Variants in CDKL5 observed in about 807,000 individuals in gnomAD.
The protein encoded by CDKL5 is cyclin-dependent kinase-like 5.
In CDKL5, 8 loss-of-function variants were observed where a neutral mutation model predicts 61.7. The ratio of observed to expected loss-of-function variants is 0.13; its 90% CI spans 0.08 to 0.23. The LOEUF (loss-of-function observed/expected upper bound fraction) is 0.23. Among genes scored for constraint, CDKL5 ranks in the 10% least tolerant of loss-of-function variants. The probability of loss-of-function intolerance (pLI) is 1.00; values close to 1 mark genes in which losing one functional copy is unlikely to be tolerated. For synonymous variants in CDKL5, 275 were observed against 272.3 expected, an observed-to-expected ratio of 1.01 and a Z score of -0.10; for missense variants, 440 against 734.5, an observed-to-expected ratio of 0.60 and a Z score of 4.63.
chrX:18,466,705 G>A (rs754508109), intron 1 of CDKL5, among the ~76,000 whole-genome samples: 34 of 111,227 alleles, frequency 3.1e-4, no homozygotes, highest in African/African-American at 1.1e-3. Context: ...TAGAGACAGG[G>A]TTTCGCCATG....
chrX:18,445,898 T>A (rs1472877113), intron 1 of CDKL5, among the ~76,000 whole-genome samples: 2 of 111,258 alleles, frequency 1.8e-5, no homozygotes, highest in African/African-American at 6.5e-5. Flanking sequence ...TTCTCCAGTT[T>A]CCTGGTCCTG....
chrX:18,619,877 G>A lies in CDKL5; in HGVS notation c.2287G>A (p.Glu763Lys). Reference protein sequence around the residue: ...QPAFDPWKSPENISHSEQLKE... With the variant: ...QPAFDPWKSPKNISHSEQLKE... The stretch of plus-strand genomic sequence containing the variant: ...TGTCTTCTCATTTAGGAAAAGTCCT[G>A]AAAATATTAGTCATTCAGAGCAACT... Residue 763 changes from glutamate to lysine, a missense_variant, in exon 16 of 18, where the codon GAA becomes AAA. Transcript: ENST00000623535. 8.5e-7 allele frequency: 1 copy of A among 1,176,661 alleles called. No individual in the cohort carries two copies. The highest frequency in any genetic ancestry group is 1.2e-6 in the Non-Finnish European group (1 of 865,360).
At chrX:18,534,964 T>G (rs765972521) in intron 3 of CDKL5, 1 of 112,398 alleles carries the variant, frequency 8.9e-6, no homozygotes, top group East Asian at 2.8e-4. Context: ...CAGTTTTGGC[T>G]GCTTGAACTT....
Position 18,556,703 on chromosome X carries a change from C to T in CDKL5, c.100-7774C>T, listed in dbSNP as rs6633104. 6.3e-4 allele frequency among the ~76,000 whole-genome samples: 69 copies of T among 110,068 alleles called. 1 individual carries two copies. The highest frequency in any genetic ancestry group is 2.1e-3 in the African/African-American group (64 of 30,275). On this transcript the variant is annotated intron_variant, in intron 3 of 17. Coordinates refer to ENST00000623535, the MANE Select transcript of CDKL5 (RefSeq NM_001323289.2). ...TAGTTTCCCAGCCTGGCCAACATGG[C>T]GAAACCCTGTCTCTACTAAAAATAC... is the stretch of plus-strand genomic sequence containing the variant.
Position 18,445,914 on chromosome X carries a change from A to G in CDKL5, c.-163+20219A>G, listed in dbSNP as rs1438544692. Among the ~76,000 whole-genome samples, 3 of 111,139 alleles carry G rather than the reference A, an allele frequency of 2.7e-5. No homozygotes were observed. The East Asian group carries it at 8.4e-4, about 31-fold the overall frequency. ...TCTCCAGTTTCCTGGTCCTGTAATCATTTGCATTTGCAGCCCTTGATTTAG... is the reference window on the plus strand; with the variant it reads ...TCTCCAGTTTCCTGGTCCTGTAATCGTTTGCATTTGCAGCCCTTGATTTAG... On this transcript the variant is annotated intron_variant, in intron 1 of 17. Transcript: ENST00000623535.
intron 21 of CDKL5, among the ~76,000 whole-genome samples, chrX:18,652,423 C>G (rs1299744554): frequency 8.9e-6 from 1 of 112,295 alleles, no homozygotes; most frequent in Non-Finnish European, 1.9e-5. Context: ...AATCCCAGCA[C>G]TTTGGGAGGC....
rs1569226824 is a variant in CDKL5, at chrX:18,635,236, C to G, written c.*6479C>G. 1 of 746,792 alleles carries G rather than the reference C, an allele frequency of 1.3e-6. No individual in the cohort carries two copies. The highest frequency in any genetic ancestry group is 1.6e-6 in the Non-Finnish European group (1 of 634,417). 61.5% of individuals were successfully genotyped at this position (746,792 alleles called of 1,213,427 possible). A position where few individuals can be genotyped will look rare whatever the true frequency, so the allele number is the denominator to read the frequency against. ...TTCTGGCATGTAATTCCATTCTAAA[C>G]TTATGTAAAATTTCTATTGTTGCTG... On this transcript the variant is annotated 3_prime_UTR_variant, in exon 18 of 18. Coordinates refer to ENST00000623535, the MANE Select transcript of CDKL5 (RefSeq NM_001323289.2).
At chrX:18,465,974 TATAGAA>T (rs1472036242) in intron 1 of CDKL5, among the ~76,000 whole-genome samples, 2 of 112,343 alleles carry the variant, frequency 1.8e-5, no homozygotes, top group African/African-American at 6.5e-5. Context: ...ATTGCTGGTG[TATAGAA>T]ATACTGTTGG....
At chrX:18,462,567 T>G (rs190990233) in intron 1 of CDKL5, among the ~76,000 whole-genome samples, 6 of 111,496 alleles carry the variant, frequency 5.4e-5, no homozygotes, top group Non-Finnish European at 7.5e-5. Flanking sequence ...AGGGAAGTTA[T>G]GAGAACAAGA....
intron 16 of CDKL5, among the ~76,000 whole-genome samples, chrX:18,621,460 C>T (rs912358353): frequency 1.8e-5 from 2 of 111,556 alleles, no homozygotes; most frequent in Non-Finnish European, 3.8e-5. Context: ...TCTTAATACC[C>T]TACCACAACT....
chrX:18,531,700 C>CTT (rs200547617), intron 3 of CDKL5, among the ~76,000 whole-genome samples: 1 of 107,853 alleles, frequency 9.3e-6, no homozygotes, highest in African/African-American at 3.5e-5. Flanking sequence ...TTCTTTTTTT[C>CTT]TTTTTTCTTT....
intron 4 of CDKL5, among the ~76,000 whole-genome samples, chrX:18,574,814 A>T (rs1323043086): frequency 8.9e-6 from 1 of 112,064 alleles, no homozygotes; most frequent in Non-Finnish European, 1.9e-5. Flanking sequence ...TGCTTGGCGC[A>T]TGACCTCTGC....
At chrX:18,652,297 C>T (rs917825378) in intron 21 of CDKL5, among the ~76,000 whole-genome samples, 13 of 111,992 alleles carry the variant, frequency 1.2e-4, no homozygotes, top group Admixed American at 1.1e-3. Flanking sequence ...ACACTGACTG[C>T]GACCTCTGGC....
intron 3 of CDKL5, among the ~76,000 whole-genome samples, chrX:18,521,884 A>C (rs759571960): frequency 2.7e-5 from 3 of 112,130 alleles, no homozygotes; most frequent in Non-Finnish European, 5.6e-5. Flanking sequence ...TCTCACTTTT[A>C]TTCCTCTGGG....
At chrX:18,440,252 A>C (rs1000984729) in intron 1 of CDKL5, among the ~76,000 whole-genome samples, 7 of 112,031 alleles carry the variant, frequency 6.2e-5, no homozygotes, top group Non-Finnish European at 1.3e-4. Context: ...GTATTTTTGA[A>C]ATAGTCATTT....
chrX:18,592,917 C>T (rs1925875927), intron 9 of CDKL5, among the ~76,000 whole-genome samples: 2 of 111,326 alleles, frequency 1.8e-5, no homozygotes, highest in South Asian at 3.7e-4. Flanking sequence ...CAATTGATGC[C>T]CCATAGTATA....
chrX:18,554,905 T>C (rs1340816435), intron 3 of CDKL5, among the ~76,000 whole-genome samples: 1 of 111,438 alleles, frequency 9.0e-6, no homozygotes, highest in African/African-American at 3.3e-5. Flanking sequence ...TCAGTAAAGC[T>C]TTACCTGATC....
chrX:18,516,936 A>G (rs2147099294), intron 3 of CDKL5, among the ~76,000 whole-genome samples: 1 of 111,326 alleles, frequency 9.0e-6, no homozygotes, highest in Non-Finnish European at 1.9e-5. Context: ...GGGTCTCACC[A>G]TGTTGGTCAG....
intron 1 of CDKL5, among the ~76,000 whole-genome samples, chrX:18,439,549 A>G (rs777565860): frequency 1.8e-5 from 2 of 111,485 alleles, no homozygotes; most frequent in African/African-American, 6.5e-5. Flanking sequence ...TGCATATAAA[A>G]GCTTTGTTGG....
Sources: allele counts gnomAD v4.1 joint callset (sites outside exome capture counted in the v4.1 genomes callset), GRCh38; gene constraint gnomAD v4.1.1; transcripts MANE v1.5; gene names NCBI Gene and HGNC (gene_info 2026-07-23, HGNC 2026-07-21).